ADAMTSL1: variants seen among roughly 807,000 people sequenced by gnomAD.
ADAMTSL1 encodes ADAMTS like 1, also known as ADAMTS-like protein 1.
Under a neutral mutation model 201.8 loss-of-function variants are expected in ADAMTSL1, and 126 were observed. That is an observed-to-expected ratio of 0.62 (90% CI 0.54 to 0.72). The LOEUF (loss-of-function observed/expected upper bound fraction) is 0.72, where lower values mean the gene tolerates loss of function less well. Among genes scored for constraint, ADAMTSL1 ranks in the 30% least tolerant of loss-of-function variants. The pLI is 0.00. For synonymous variants in ADAMTSL1, 1,121 were observed against 903.4 expected (o/e 1.24, Z -4.32); for missense variants, 2,679 against 2,277.8 (o/e 1.18, Z -3.59).
intron 26 of ADAMTSL1, among the ~76,000 whole-genome samples, chr9:18,897,618 A>G (rs1414227817): frequency 6.6e-6 from 1 of 152,274 alleles, no homozygotes; most frequent in Admixed American, 6.5e-5. Flanking sequence ...AGCAAACTGC[A>G]GCAGCCCTAC....
At chr9:18,509,339 G>A (rs1817883237) in intron 2 of ADAMTSL1, among the ~76,000 whole-genome samples, 1 of 149,224 alleles carries the variant, frequency 6.7e-6, no homozygotes, top group Non-Finnish European at 1.5e-5. Context: ...ATCTATTCTA[G>A]TACCAGCAAG....
chr9:18,872,275 C>A (rs10963814), intron 23 of ADAMTSL1, among the ~76,000 whole-genome samples: 9,966 of 152,246 alleles, frequency 0.065, 434 homozygotes, highest in East Asian at 0.19. Context: ...CTGAAAGCAG[C>A]TACCATCACT....
chr9:18,314,740 AG>A (rs1467396529), intron 2 of ADAMTSL1, among the ~76,000 whole-genome samples: 3 of 140,142 alleles, frequency 2.1e-5, no homozygotes, highest in Non-Finnish European at 3.0e-5. Context: ...ACAGCGTGGA[AG>A]GGGACCCCAG....
chr9:18,777,645 C>G lies in ADAMTSL1; in HGVS notation c.3416C>G (p.Ser1139Cys). ...PVTLSPHKHV[S>C]GFSSSLRTSS... ...ACTCTCTCGCCTCATAAACACGTGT[C>G]TGGCTTCAGCAGCTCCCTGCGGACC... The change falls in exon 19 of 29, where the codon TCT (serine) becomes TGT (cysteine). Residue 1139 changes from serine (S) to cysteine (C), a missense_variant. Transcript: ENST00000380548. 6.2e-7 allele frequency: 1 copy of G among 1,613,746 alleles called. No individual in the cohort carries two copies.
chr9:18,275,318 AG>A (rs1832543763), intron 2 of ADAMTSL1, among the ~76,000 whole-genome samples: 1 of 152,312 alleles, frequency 6.6e-6, no homozygotes, highest in East Asian at 1.9e-4. Context: ...ACTTCTGCAT[AG>A]TTTCATACCC....
At chr9:18,021,112 T>C (rs529524041) in intron 1 of ADAMTSL1, among the ~76,000 whole-genome samples, 3 of 152,244 alleles carry the variant, frequency 2.0e-5, no homozygotes, top group Admixed American at 1.3e-4. Flanking sequence ...TGCTCAGCAA[T>C]TTGTGCTTTA....
At chr9:18,598,954 C>G (rs1030674405) in intron 4 of ADAMTSL1, among the ~76,000 whole-genome samples, 1 of 152,138 alleles carries the variant, frequency 6.6e-6, no homozygotes, top group Non-Finnish European at 1.5e-5. Flanking sequence ...GTTTTGTTTT[C>G]CCAAGTTTTT....
At chr9:18,179,678 C>T (rs376535875) in intron 2 of ADAMTSL1, among the ~76,000 whole-genome samples, 20 of 150,876 alleles carry the variant, frequency 1.3e-4, no homozygotes, top group Non-Finnish European at 2.4e-4. Flanking sequence ...GCGGATCTCT[C>T]GGCAGAAACT....
At chr9:18,265,145 T>C (rs918646540) in intron 2 of ADAMTSL1, among the ~76,000 whole-genome samples, 2 of 152,160 alleles carry the variant, frequency 1.3e-5, no homozygotes, top group Non-Finnish European at 2.9e-5. Context: ...CTCAAAGAAC[T>C]CAGTTTGAGA....
At position 18,329,406 on chromosome 9, in the gene ADAMTSL1, G is replaced by A. The variant is rs73430920; in HGVS notation, c.207+165425G>A. Among the ~76,000 whole-genome samples the A allele has an allele frequency of 4.4e-3, 676 of 152,302 alleles. 9 individuals carry two copies. The highest frequency in any genetic ancestry group is 0.015 in the African/African-American group (641 of 41,562). ...AAGAGAAATCTCATGGATATAAGTG[G>A]AAGAACATTTACTGGGATAGAGAAA... On this transcript the variant is annotated intron_variant, in intron 2 of 29. Transcript: ENST00000680146.
At chr9:18,313,457 T>G (rs954950669) in intron 2 of ADAMTSL1, among the ~76,000 whole-genome samples, 1 of 152,166 alleles carries the variant, frequency 6.6e-6, no homozygotes, top group African/African-American at 2.4e-5. Flanking sequence ...ATTAGAATCA[T>G]AGAGAGTTTT....
chr9:18,102,428 A>G (rs540829240), intron 1 of ADAMTSL1, among the ~76,000 whole-genome samples: 3 of 152,342 alleles, frequency 2.0e-5, no homozygotes, highest in African/African-American at 7.2e-5. Context: ...TATGAATTAT[A>G]TACAAATATG....
At chr9:18,322,086 C>G (rs970777392) in intron 2 of ADAMTSL1, among the ~76,000 whole-genome samples, 4 of 151,820 alleles carry the variant, frequency 2.6e-5, no homozygotes, top group African/African-American at 9.7e-5. Context: ...GCAAACTAAA[C>G]TATAATGAAA....
At chr9:18,862,946 G>T (rs955463853) in intron 23 of ADAMTSL1, among the ~76,000 whole-genome samples, 2 of 152,140 alleles carry the variant, frequency 1.3e-5, no homozygotes, top group African/African-American at 4.8e-5. Flanking sequence ...AGGACTTATG[G>T]GAACCCTGTG....
chr9:18,213,888 G>C lies in ADAMTSL1; in HGVS notation c.207+49907G>C, dbSNP rs562034600. Reference sequence around the variant, plus strand: ...CCGAGTAGCTGGGATTACACGCCTGGCTTGCTTGCTTATTTATTTATTTAT... The same window carrying C: ...CCGAGTAGCTGGGATTACACGCCTGCCTTGCTTGCTTATTTATTTATTTAT... On this transcript the variant is annotated intron_variant, in intron 2 of 29. Transcript: ENST00000680146. 2.0e-5 allele frequency among the ~76,000 whole-genome samples: 3 copies of C among 151,964 alleles called. No homozygotes were observed. The South Asian group carries it at 6.3e-4, about 32-fold the overall frequency.
At chr9:18,032,447 T>G (rs1224784720) in intron 1 of ADAMTSL1, among the ~76,000 whole-genome samples, 1 of 152,156 alleles carries the variant, frequency 6.6e-6, no homozygotes, top group Non-Finnish European at 1.5e-5. Context: ...GGTGGGGCAG[T>G]GGAGGCTGAG....
At chr9:18,051,848 A>T (rs1233212266) in intron 1 of ADAMTSL1, among the ~76,000 whole-genome samples, 2 of 152,188 alleles carry the variant, frequency 1.3e-5, no homozygotes, top group Non-Finnish European at 2.9e-5. Context: ...AGACAAAAAA[A>T]AGTAGGTGAC....
In ADAMTSL1 at chr9:18,531,447, T is replaced by C. The variant is rs143844151; in HGVS notation, c.192-1800T>C. ...TCTAGGACATTGCTGGACTGGACAC[T>C]GACACACATGTGTCTTTGTCATGCT... is the stretch of plus-strand genomic sequence containing the variant. On this transcript the variant is annotated intron_variant, in intron 2 of 28. Coordinates refer to ENST00000380548, the MANE Select transcript of ADAMTSL1 (RefSeq NM_001040272.6). Among the ~76,000 whole-genome samples the C allele has an allele frequency of 1.1e-4, 17 of 152,350 alleles. No individual in the cohort carries two copies. The East Asian group carries it at 3.3e-3, about 29-fold the overall frequency.
intron 1 of ADAMTSL1, among the ~76,000 whole-genome samples, chr9:18,158,646 G>A (rs1048841241): frequency 6.6e-6 from 1 of 151,972 alleles, no homozygotes; most frequent in African/African-American, 2.4e-5. Context: ...CTTTAATAAA[G>A]TTGAATATAT....
Sources: allele counts gnomAD v4.1 joint callset (sites outside exome capture counted in the v4.1 genomes callset), GRCh38; gene constraint gnomAD v4.1.1; transcripts MANE v1.5; gene names NCBI Gene and HGNC (gene_info 2026-07-23, HGNC 2026-07-21).